NKAIN2: variants seen among roughly 807,000 people sequenced by gnomAD.
The protein encoded by NKAIN2 is sodium/potassium transporting ATPase interacting 2.
In NKAIN2, 14 loss-of-function variants were observed where a neutral mutation model predicts 32.6. That is an observed-to-expected ratio of 0.43 (90% CI 0.28 to 0.67). NKAIN2 has a LOEUF of 0.67. Ranked by LOEUF, NKAIN2 falls within the 30% of genes least tolerant of loss-of-function variation. The pLI is 0.17. For synonymous variants in NKAIN2, 80 were observed against 87.2 expected (o/e 0.92, Z 0.46); for missense variants, 198 against 258.3 (o/e 0.77, Z 1.60).
chr6:124,713,142 A>G (rs568427397), intron 4 of NKAIN2, among the ~76,000 whole-genome samples: 2 of 152,136 alleles, frequency 1.3e-5, no homozygotes, highest in Admixed American at 1.3e-4. Flanking sequence ...AACTTTACAT[A>G]ACTCATTAAT....
At chr6:124,455,272 T>A (rs550125483) in intron 3 of NKAIN2, among the ~76,000 whole-genome samples, 127 of 152,144 alleles carry the variant, frequency 8.3e-4, no homozygotes, top group African/African-American at 3.0e-3. Flanking sequence ...GTGCAAAAGT[T>A]TGACCTTCGA....
chr6:124,129,057 C>G (rs1786325281), intron 1 of NKAIN2, among the ~76,000 whole-genome samples: 1 of 152,188 alleles, frequency 6.6e-6, no homozygotes, highest in African/African-American at 2.4e-5. Flanking sequence ...TGGAGCCACC[C>G]TTTGCGACCC....
chr6:124,317,498 A>G (rs1797008162), intron 2 of NKAIN2, among the ~76,000 whole-genome samples: 1 of 152,094 alleles, frequency 6.6e-6, no homozygotes, highest in Non-Finnish European at 1.5e-5. Flanking sequence ...GATGTCTAGT[A>G]TTGTGTAAAG....
intron 5 of NKAIN2, among the ~76,000 whole-genome samples, chr6:124,793,843 A>G (rs1010085239): frequency 6.6e-6 from 1 of 152,182 alleles, no homozygotes; most frequent in African/African-American, 2.4e-5. Context: ...CCTTGAGGCC[A>G]GATACAGATC....
At chr6:123,966,158 CTT>C (rs1778067244) in intron 1 of NKAIN2, among the ~76,000 whole-genome samples, 1 of 152,166 alleles carries the variant, frequency 6.6e-6, no homozygotes, top group Non-Finnish European at 1.5e-5. Flanking sequence ...TTTCAGGAAT[CTT>C]CTCTTTGGTG....
chr6:124,715,995 A>G (rs536165385), intron 4 of NKAIN2, among the ~76,000 whole-genome samples: 1 of 152,310 alleles, frequency 6.6e-6, no homozygotes. Flanking sequence ...GTATTTTCCT[A>G]TCAGCTTGAT....
chr6:124,806,683 C>A (rs1278658653), intron 5 of NKAIN2, among the ~76,000 whole-genome samples: 4 of 152,108 alleles, frequency 2.6e-5, no homozygotes, highest in African/African-American at 9.7e-5. Flanking sequence ...AATTAAAAGA[C>A]ACAGACTGGC....
intron 1 of NKAIN2, among the ~76,000 whole-genome samples, chr6:123,905,411 A>G (rs1005994871): frequency 2.0e-5 from 3 of 152,118 alleles, no homozygotes; most frequent in African/African-American, 7.2e-5. Context: ...TCGGAAGAGA[A>G]CCACTATCTT....
At chr6:123,854,442 G>A (rs1775480290) in intron 1 of NKAIN2, among the ~76,000 whole-genome samples, 1 of 152,114 alleles carries the variant, frequency 6.6e-6, no homozygotes, top group Admixed American at 6.6e-5. Flanking sequence ...CCACGATAAT[G>A]TTTGACTGTT....
At chr6:123,900,532 G>GGTTTTTTTTTTTTTTTTTTTTTTTT (rs1774516637) in intron 1 of NKAIN2, among the ~76,000 whole-genome samples, 1 of 32,764 alleles carries the variant, frequency 3.1e-5, no homozygotes, top group African/African-American at 5.1e-5. Flanking sequence ...CTCCAGATTA[G>GGTTTTTTTTTTTTTTTTTTTTTTTT]TTTTTTTTTT....
At chr6:124,194,979 A>T (rs1191868956) in intron 1 of NKAIN2, among the ~76,000 whole-genome samples, 1 of 137,410 alleles carries the variant, frequency 7.3e-6, no homozygotes, top group East Asian at 2.1e-4. Context: ...GTTTCAAATT[A>T]TTTGTCATAT....
chr6:124,549,379 A>T (rs957016249), intron 3 of NKAIN2, among the ~76,000 whole-genome samples: 10 of 152,164 alleles, frequency 6.6e-5, no homozygotes, highest in Non-Finnish European at 1.2e-4. Context: ...AAATAAATAA[A>T]TAAGTAAATA....
At chr6:123,960,992 C>T (rs1246881846) in intron 1 of NKAIN2, among the ~76,000 whole-genome samples, 1 of 151,938 alleles carries the variant, frequency 6.6e-6, no homozygotes, top group Non-Finnish European at 1.5e-5. Context: ...TATGAATAGA[C>T]TCCCTTCTTT....
At chr6:124,052,231 T>TA (rs1483797873) in intron 1 of NKAIN2, among the ~76,000 whole-genome samples, 1 of 152,066 alleles carries the variant, frequency 6.6e-6, no homozygotes, top group East Asian at 1.9e-4. Flanking sequence ...TTTTCAGAGA[T>TA]ACGAAATTTA....
At chr6:124,165,686 T>A (rs1468950926) in intron 1 of NKAIN2, among the ~76,000 whole-genome samples, 11 of 126,918 alleles carry the variant, frequency 8.7e-5, no homozygotes, top group Admixed American at 2.6e-4. Context: ...CCCACCACAG[T>A]CCCCAGAGTG....
chr6:124,264,050 C>G (rs1222796140), intron 1 of NKAIN2, among the ~76,000 whole-genome samples: 1 of 152,188 alleles, frequency 6.6e-6, no homozygotes, highest in African/African-American at 2.4e-5. Context: ...CTAACTACCT[C>G]TTAATAGGTG....
chr6:124,497,834 A>AAAAAT (rs1554217450), intron 3 of NKAIN2, among the ~76,000 whole-genome samples: 1 of 150,274 alleles, frequency 6.7e-6, no homozygotes, highest in Non-Finnish European at 1.5e-5. Flanking sequence ...TAAAAAAAAA[A>AAAAAT]AAAAAAAAAA....
At chr6:124,293,213 T>G (rs989777120) in intron 2 of NKAIN2, among the ~76,000 whole-genome samples, 2 of 152,066 alleles carry the variant, frequency 1.3e-5, no homozygotes, top group Admixed American at 1.3e-4. Context: ...TATGCTAATA[T>G]CTCTTTAAAA....
At chr6:124,541,252 T>C (rs1185575886) in intron 3 of NKAIN2, among the ~76,000 whole-genome samples, 2 of 152,178 alleles carry the variant, frequency 1.3e-5, no homozygotes, top group Non-Finnish European at 2.9e-5. Flanking sequence ...GTGCAATATT[T>C]TAGGGTGGTA....
Sources: allele counts gnomAD v4.1 joint callset (sites outside exome capture counted in the v4.1 genomes callset), GRCh38; gene constraint gnomAD v4.1.1; transcripts MANE v1.5; gene names NCBI Gene and HGNC (gene_info 2026-07-23, HGNC 2026-07-21).